Variants in PCDHGA2 observed in about 807,000 individuals in gnomAD.
PCDHGA2 encodes the protein protocadherin gamma subfamily A, 2.
A neutral mutation model predicts 59.2 loss-of-function variants in PCDHGA2; 40 were observed. The ratio of observed to expected loss-of-function variants is 0.68; its 90% CI spans 0.52 to 0.88. The LOEUF (loss-of-function observed/expected upper bound fraction) is 0.88, where lower values mean the gene tolerates loss of function less well. Among genes scored for constraint, PCDHGA2 ranks in the 40% least tolerant of loss-of-function variants. The pLI is 0.00. For synonymous variants in PCDHGA2, 560 were observed against 526.0 expected (o/e 1.06, Z -0.89); for missense variants, 1,226 against 1,204.0 (o/e 1.02, Z -0.27).
At chr5:141,396,813 T>A (rs1031435038) in intron 1 of PCDHGA2, among the ~76,000 whole-genome samples, 3 of 152,240 alleles carry the variant, frequency 2.0e-5, no homozygotes, top group Admixed American at 6.5e-5. Context: ...AGTGTTCTAC[T>A]GTATGGTGCA....
At position 141,399,887 on chromosome 5, in the gene PCDHGA2, T is replaced by C. The variant is rs1189359878; in HGVS notation, c.2424+58492T>C. ...GAGCCCGGCTACCTGGTGACCAAGG[T>C]AGTGGCCGTGGACGCAGACTCAGGA... On this transcript the variant is annotated intron_variant, in intron 1 of 3. Coordinates refer to ENST00000394576, the MANE Select transcript of PCDHGA2 (RefSeq NM_018915.4). 3 of 1,612,524 alleles carry C rather than the reference T, an allele frequency of 1.9e-6. No homozygotes were observed. The African/African-American group carries it at 4.0e-5, about 22-fold the overall frequency.
chr5:141,421,741 C>A lies in PCDHGA2; in HGVS notation c.2425-73066C>A. 3 of 1,613,902 alleles carry A rather than the reference C, an allele frequency of 1.9e-6. No individual in the cohort carries two copies. The South Asian group carries it at 3.3e-5, about 18-fold the overall frequency. ...GGGCGTGAACTCCCTCCAGAGCTAC[C>A]AGCTCAGCCCTAATAATTACTTTTC... On this transcript the variant is annotated intron_variant, in intron 1 of 3. Transcript: ENST00000394576.
chr5:141,389,095 CAG>C (rs759384103), intron 1 of PCDHGA2: 4 of 1,613,906 alleles, frequency 2.5e-6, no homozygotes, highest in South Asian at 2.2e-5. Flanking sequence ...AAATTAGTGA[CAG>C]ATGCTGTTCT....
At chr5:141,400,392 A>C (rs2094014497) in intron 1 of PCDHGA2, 1 of 1,613,942 alleles carries the variant, frequency 6.2e-7, no homozygotes, top group Admixed American at 1.7e-5. Context: ...TTGCACATAC[A>C]GGAAAGACGG....
chr5:141,366,734 G>A (rs1193465026), intron 1 of PCDHGA2: 1 of 1,612,554 alleles, frequency 6.2e-7, no homozygotes, highest in Admixed American at 1.7e-5. Context: ...TGCAAACAAA[G>A]AAGAACGGCG....
At chr5:141,439,151 C>T (rs563575567) in intron 1 of PCDHGA2, among the ~76,000 whole-genome samples, 1 of 150,892 alleles carries the variant, frequency 6.6e-6, no homozygotes, top group Admixed American at 6.6e-5. Context: ...TGAGATCACG[C>T]CACTGCACTC....
At chr5:141,388,250 G>A in intron 1 of PCDHGA2, 1 of 1,610,522 alleles carries the variant, frequency 6.2e-7, no homozygotes, top group Middle Eastern at 1.7e-4. Flanking sequence ...TGAATGTGGA[G>A]ATCGAGGACA....
rs146243220 is a variant in PCDHGA2 at position 141,351,894 on chromosome 5, G to C, written c.2424+10499G>C. 8.0e-4 allele frequency: 1,286 copies of C among 1,613,426 alleles called. 8 individuals are homozygous for C. In the South Asian group the frequency reaches 8.1e-3, roughly 10 times the overall value. ...GCGCTCAGCGCCAACGTGAGCCTGCGCGTGTTGGTGGGCGACCTCAATGAC... is the reference window on the plus strand; with the variant it reads ...GCGCTCAGCGCCAACGTGAGCCTGCCCGTGTTGGTGGGCGACCTCAATGAC... On this transcript the variant is annotated intron_variant, in intron 1 of 3. Transcript: ENST00000394576.
chr5:141,413,019 C>A (rs1056458163), intron 1 of PCDHGA2: 24 of 683,104 alleles, frequency 3.5e-5, no homozygotes, highest in Non-Finnish European at 5.2e-5. Flanking sequence ...ACTACACAAG[C>A]CCCACAAACC....
chr5:141,348,111 A>G (rs892929512), intron 1 of PCDHGA2, among the ~76,000 whole-genome samples: 1 of 152,254 alleles, frequency 6.6e-6, no homozygotes, highest in Non-Finnish European at 1.5e-5. Context: ...TCTGCAATTT[A>G]TGAAATTATT....
At chr5:141,398,775 C>T in intron 1 of PCDHGA2, 1 of 1,613,926 alleles carries the variant, frequency 6.2e-7, no homozygotes, top group African/African-American at 1.3e-5. Flanking sequence ...CTGCCTTGGA[C>T]GGTGGACATC....
At chr5:141,423,660 G>A (rs765304048) in intron 1 of PCDHGA2, 1 of 1,560,482 alleles carries the variant, frequency 6.4e-7, no homozygotes, top group Admixed American at 1.9e-5. Flanking sequence ...CAAGTAATCA[G>A]GTGAGATTTA....
intron 2 of PCDHGA2, among the ~76,000 whole-genome samples, chr5:141,499,829 G>A (rs1322405697): frequency 6.6e-6 from 1 of 151,548 alleles, no homozygotes; most frequent in African/African-American, 2.4e-5. Context: ...TAGGATTACA[G>A]GTGTGCACCA....
chr5:141,505,413 C>G lies in PCDHGA2; in HGVS notation c.2504C>G (p.Thr835Ser). ...CCCAGCTCCCAAAATGGCGATGACA[C>G]CGGCACCTGGCCCAACAACCAGTTT... Reference protein sequence around the residue: ...GTSGSQNGDDTGTWPNNQFDT... With the variant: ...GTSGSQNGDDSGTWPNNQFDT... Residue 835 changes from threonine to serine, a missense_variant, in exon 3 of 4, where the codon ACC (threonine) becomes AGC (serine). Physicochemically the swap from Thr to Ser is moderately conservative, Grantham distance 58. Coordinates refer to ENST00000394576, the MANE Select transcript of PCDHGA2 (RefSeq NM_018915.4). 2.5e-6 allele frequency: 4 copies of G among 1,614,202 alleles called. No individual in the cohort carries two copies. In the South Asian group the frequency reaches 4.4e-5, roughly 18 times the overall value.
chr5:141,361,541 C>CCA (rs1554077800), intron 1 of PCDHGA2: 4 of 1,613,956 alleles, frequency 2.5e-6, no homozygotes, highest in Non-Finnish European at 1.7e-6. Context: ...CCTCCTGGCG[C>CCA]CTCTATCGCT....
chr5:141,427,807 A>T (rs1443881781), intron 1 of PCDHGA2: 2 of 1,521,932 alleles, frequency 1.3e-6, no homozygotes, highest in East Asian at 2.3e-5. Flanking sequence ...GTGAGCGCAC[A>T]GAGCGGGGTG....
intron 1 of PCDHGA2, chr5:141,389,468 C>T (rs772524229): frequency 1.2e-6 from 2 of 1,613,294 alleles, no homozygotes; most frequent in East Asian, 2.2e-5. Context: ...CCTTCGAACT[C>T]ACACTGCAGG....
chr5:141,430,155 A>G (rs1440666899), intron 1 of PCDHGA2, among the ~76,000 whole-genome samples: 7 of 152,184 alleles, frequency 4.6e-5, no homozygotes, highest in Admixed American at 1.3e-4. Flanking sequence ...CATTCAAGGA[A>G]TCTATTTAAA....
At chr5:141,368,431 A>G (rs376859316) in intron 1 of PCDHGA2, among the ~76,000 whole-genome samples, 2 of 152,264 alleles carry the variant, frequency 1.3e-5, no homozygotes, top group African/African-American at 4.8e-5. Flanking sequence ...TCTGACCAAA[A>G]TGTAAAATGT....
Sources: gnomAD v4.1 joint callset for allele counts (sites outside exome capture counted in the v4.1 genomes callset) on GRCh38, gnomAD v4.1.1 for gene constraint, MANE v1.5 for transcripts, NCBI Gene and HGNC (gene_info 2026-07-23, HGNC 2026-07-21) for gene names.